The following THSD7A variants were observed in gnomAD, a reference collection of about 807,000 sequenced individuals.
THSD7A encodes thrombospondin type-1 domain-containing protein 7A.
A neutral mutation model predicts 231.3 loss-of-function variants in THSD7A; 96 were observed. The ratio of observed to expected loss-of-function variants is 0.41; its 90% CI spans 0.35 to 0.49. The LOEUF (loss-of-function observed/expected upper bound fraction) is 0.49, where lower values mean the gene tolerates loss of function less well. THSD7A is among the 20% of genes least tolerant of loss of function. The pLI is 0.05. For missense variants in THSD7A, 2,290 were observed against 2,070.2 expected (o/e 1.11, Z -2.06); for synonymous variants, 940 against 743.3 (o/e 1.26, Z -4.30).
chr7:11,676,812 C>T (rs962487824), intron 1 of THSD7A, among the ~76,000 whole-genome samples: 10 of 152,014 alleles, frequency 6.6e-5, no homozygotes, highest in East Asian at 1.9e-4. Flanking sequence ...TTGAAAGTGA[C>T]GGGGAGAATG....
intron 16 of THSD7A, among the ~76,000 whole-genome samples, chr7:11,424,338 T>C (rs1784248355): frequency 1.3e-5 from 2 of 152,170 alleles, no homozygotes; most frequent in African/African-American, 4.8e-5. Flanking sequence ...GCCAGTTTGA[T>C]ACAAAAGAGC....
intron 4 of THSD7A, among the ~76,000 whole-genome samples, chr7:11,587,666 A>G (rs892204854): frequency 1.3e-5 from 2 of 152,158 alleles, no homozygotes; most frequent in Non-Finnish European, 2.9e-5. Context: ...AAATGTATTA[A>G]CTCCGAGGAT....
intron 11 of THSD7A, among the ~76,000 whole-genome samples, chr7:11,459,569 C>G (rs1234650697): frequency 2.0e-5 from 3 of 150,008 alleles, no homozygotes; most frequent in Non-Finnish European, 4.4e-5. Context: ...AAATAAAATC[C>G]TAAAAACTAC....
Position 11,406,861 on chromosome 7 carries a change from C to G in THSD7A, c.4062+49G>C. Reference sequence around the variant, plus strand: ...TTTTATGTTTTTCTGCAGATGAAGTCTCTGCAGATAGAGTACACACTTCCT... The same window carrying G: ...TTTTATGTTTTTCTGCAGATGAAGTGTCTGCAGATAGAGTACACACTTCCT... On this transcript the variant is annotated intron_variant, in intron 21 of 27. Transcript: ENST00000423059. The surrounding 1 kb of genome is among the most constrained non-coding windows in gnomAD (Gnocchi z 4.7). 6.3e-7 allele frequency: 1 copy of G among 1,582,108 alleles called. No individual in the cohort carries two copies. Among genetic ancestry groups the G allele is most frequent in the Non-Finnish European group, 8.6e-7 (1 of 1,159,500 alleles).
chr7:11,500,848 T>G (rs1490742621), intron 6 of THSD7A, among the ~76,000 whole-genome samples: 1 of 151,388 alleles, frequency 6.6e-6, no homozygotes, highest in Non-Finnish European at 1.5e-5. Context: ...AGGCAGAGAA[T>G]TGCTTGAATC....
intron 1 of THSD7A, among the ~76,000 whole-genome samples, chr7:11,773,331 G>A (rs140821596): frequency 2.6e-5 from 4 of 152,192 alleles, no homozygotes; most frequent in African/African-American, 9.6e-5. Flanking sequence ...TCGGGAGTTC[G>A]TGACCAGCCT....
intron 1 of THSD7A, among the ~76,000 whole-genome samples, chr7:11,824,490 C>T (rs958428569): frequency 6.6e-6 from 1 of 152,068 alleles, no homozygotes; most frequent in African/African-American, 2.4e-5. Context: ...ATCTAGATTA[C>T]GTGCCATCCT....
intron 6 of THSD7A, among the ~76,000 whole-genome samples, chr7:11,510,785 A>G (rs1787774359): frequency 6.6e-6 from 1 of 152,176 alleles, no homozygotes; most frequent in Non-Finnish European, 1.5e-5. Context: ...CAAAATAATA[A>G]GAGCTATTTA....
intron 1 of THSD7A, among the ~76,000 whole-genome samples, chr7:11,765,585 C>A (rs1011446471): frequency 6.6e-6 from 1 of 152,038 alleles, no homozygotes; most frequent in Non-Finnish European, 1.5e-5. Flanking sequence ...TTGACTATCG[C>A]CAACTTAAAT....
chr7:11,588,294 C>T (rs531712582), intron 4 of THSD7A, among the ~76,000 whole-genome samples: 7 of 152,098 alleles, frequency 4.6e-5, no homozygotes, highest in South Asian at 2.1e-4. Context: ...TAAGTGCTCC[C>T]GGGGAGAAAC....
At chr7:11,405,152 A>ATTT (rs67149392) in intron 22 of THSD7A, among the ~76,000 whole-genome samples, 49,779 of 145,390 alleles carry the variant, frequency 0.34, 8,671 homozygotes, top group Admixed American at 0.38. Context: ...ATCTCAAATG[A>ATTT]TTTTTTTTTT....
chr7:11,425,656 G>A (rs546631853), intron 15 of THSD7A, among the ~76,000 whole-genome samples: 1 of 151,284 alleles, frequency 6.6e-6, no homozygotes, highest in African/African-American at 2.4e-5. Context: ...TTGCAACCAA[G>A]CTGACTCAAG....
intron 4 of THSD7A, among the ~76,000 whole-genome samples, chr7:11,586,077 C>G (rs985988750): frequency 6.6e-6 from 1 of 152,078 alleles, no homozygotes; most frequent in Non-Finnish European, 1.5e-5. Context: ...GGGTTCTAGT[C>G]CTTTTTCATT....
intron 1 of THSD7A, among the ~76,000 whole-genome samples, chr7:11,753,479 TA>T (rs1782571909): frequency 6.6e-6 from 1 of 151,778 alleles, no homozygotes; most frequent in Non-Finnish European, 1.5e-5. Flanking sequence ...AGCTTAAACT[TA>T]GGGGGTGGAA....
intron 7 of THSD7A, among the ~76,000 whole-genome samples, chr7:11,475,237 C>T (rs1251760597): frequency 5.3e-5 from 8 of 152,094 alleles, no homozygotes; most frequent in South Asian, 2.1e-4. Flanking sequence ...GTGCTTCTAA[C>T]GTTTCCTGCT....
At chr7:11,586,612 C>A (rs573347772) in intron 4 of THSD7A, among the ~76,000 whole-genome samples, 1 of 152,250 alleles carries the variant, frequency 6.6e-6, no homozygotes, top group East Asian at 1.9e-4. Context: ...CATAGCCTTT[C>A]TTTTCTTTTC....
intron 4 of THSD7A, among the ~76,000 whole-genome samples, chr7:11,551,263 C>T (rs1390984912): frequency 1.3e-5 from 2 of 151,954 alleles, no homozygotes; most frequent in Non-Finnish European, 2.9e-5. Context: ...TAGGAAATAC[C>T]ATTCTGGACA....
chr7:11,655,208 T>G (rs1303553240), intron 1 of THSD7A, among the ~76,000 whole-genome samples: 1 of 151,670 alleles, frequency 6.6e-6, no homozygotes, highest in Non-Finnish European at 1.5e-5. Context: ...CTGGGTTCCA[T>G]AAATAATTAA....
intron 1 of THSD7A, among the ~76,000 whole-genome samples, chr7:11,830,737 C>T (rs537443063): frequency 5.9e-5 from 9 of 152,256 alleles, no homozygotes; most frequent in Non-Finnish European, 8.8e-5. Context: ...AGTAGTGGTG[C>T]AGAGATGGGC....
Sources: gnomAD v4.1 joint callset for allele counts (sites outside exome capture counted in the v4.1 genomes callset) on GRCh38, gnomAD v4.1.1 for gene constraint, Gnocchi (gnomAD v3.1) non-coding constraint, MANE v1.5 for transcripts, NCBI Gene and HGNC (gene_info 2026-07-23, HGNC 2026-07-21) for gene names.